PSEN1: variants seen among roughly 807,000 people sequenced by gnomAD.
PSEN1 encodes the protein presenilin 1.
In PSEN1, 15 loss-of-function variants were observed where a neutral mutation model predicts 53.5. The ratio of observed to expected loss-of-function variants is 0.28; its 90% CI spans 0.19 to 0.43. PSEN1 has a LOEUF of 0.43. Among genes scored for constraint, PSEN1 ranks in the 20% least tolerant of loss-of-function variants. PSEN1 has a pLI of 1.00. For missense variants in PSEN1, 387 were observed against 571.2 expected, an observed-to-expected ratio of 0.68 and a Z score of 3.29; for synonymous variants, 208 against 209.8, an observed-to-expected ratio of 0.99 and a Z score of 0.08.
At chr14:73,166,720 T>TCTACTGGGCTTAG (rs1415100660) in intron 3 of PSEN1, among the ~76,000 whole-genome samples, 6 of 152,238 alleles carry the variant, frequency 3.9e-5, no homozygotes, top group Non-Finnish European at 5.9e-5. Context: ...TCATTTCCAT[T>TCTACTGGGCTTAG]CTACTGGGCT....
At chr14:73,168,090 T>TC (rs35710852) in intron 3 of PSEN1, 6,577 of 152,128 alleles carry the variant, frequency 0.043, 205 homozygotes, top group Middle Eastern at 0.11. Flanking sequence ...GTGCGGTGGC[T>TC]CACTCCTATA....
chr14:73,160,736 G>C (rs1053943423), intron 3 of PSEN1, among the ~76,000 whole-genome samples: 1 of 143,080 alleles, frequency 7.0e-6, no homozygotes, highest in African/African-American at 2.6e-5. Flanking sequence ...AGAAATATCT[G>C]TTCAAGTCCT....
intron 10 of PSEN1, among the ~76,000 whole-genome samples, chr14:73,216,332 T>TG (rs1899911763): frequency 6.6e-6 from 1 of 152,192 alleles, no homozygotes; most frequent in Non-Finnish European, 1.5e-5. Context: ...GCAATGGACA[T>TG]GTGGATTGTG....
intron 4 of PSEN1, among the ~76,000 whole-genome samples, chr14:73,173,203 T>G (rs566019935): frequency 7.2e-5 from 11 of 152,212 alleles, no homozygotes; most frequent in Non-Finnish European, 1.5e-4. Flanking sequence ...CAACCACTTG[T>G]CAGCCCACGT....
At chr14:73,165,203 G>A (rs1438334464) in intron 3 of PSEN1, among the ~76,000 whole-genome samples, 4 of 152,028 alleles carry the variant, frequency 2.6e-5, no homozygotes, top group Non-Finnish European at 5.9e-5. Flanking sequence ...TGATCCGCCC[G>A]CCTCAGCCTC....
In PSEN1 at chr14:73,223,613, A is replaced by G. The variant is rs1882692290; in HGVS notation, c.*4324A>G. The G allele has an allele frequency of 1.3e-5, 2 of 152,178 alleles. No homozygotes were observed. Among genetic ancestry groups the G allele is most frequent in the Non-Finnish European group, 1.5e-5 (1 of 68,036 alleles). The allele number at this position is 152,178 out of a possible 1,614,324, so 9.4% of individuals were successfully genotyped here. A position where few individuals can be genotyped will look rare whatever the true frequency, so the allele number is the denominator to read the frequency against. On this transcript the variant is annotated 3_prime_UTR_variant, in exon 12 of 12. Transcript: ENST00000324501. ...CACCTTTTTTATAAATACCTTTCAA[A>G]TTCTTGGTAAGATATAATTTTGATA...
chr14:73,202,463 T>TATA (rs1491391826), intron 8 of PSEN1, among the ~76,000 whole-genome samples: 34 of 10,236 alleles, frequency 3.3e-3, no homozygotes, highest in African/African-American at 0.012. Context: ...TATATATATA[T>TATA]TTTTTTTTTT....
intron 5 of PSEN1, among the ~76,000 whole-genome samples, chr14:73,184,000 G>A (rs1161774102): frequency 4.5e-5 from 6 of 133,756 alleles, no homozygotes; most frequent in Non-Finnish European, 7.9e-5. Context: ...AGTAGGAGCG[G>A]CCGGGCAGAG....
At chr14:73,205,478 C>CAAAA (rs34992040) in intron 8 of PSEN1, among the ~76,000 whole-genome samples, 1 of 64,664 alleles carries the variant, frequency 1.5e-5, no homozygotes, top group African/African-American at 5.4e-5. Flanking sequence ...GACTCTGTCT[C>CAAAA]AAAAAAAAAA....
chr14:73,203,504 A>T (rs1209174014), intron 8 of PSEN1, among the ~76,000 whole-genome samples: 1 of 152,238 alleles, frequency 6.6e-6, no homozygotes. Flanking sequence ...CCTGAAGTGG[A>T]TATAAGCATG....
At chr14:73,149,764 C>G (rs1223977489) in intron 3 of PSEN1, among the ~76,000 whole-genome samples, 1 of 152,100 alleles carries the variant, frequency 6.6e-6, no homozygotes, top group East Asian at 1.9e-4. Context: ...TCTGACTAAC[C>G]AAGTCTTATT....
In PSEN1 at chr14:73,140,833, A is replaced by G. The variant is rs763497864; in HGVS notation, c.-136+4250A>G. Reference sequence around the variant, plus strand: ...AACCATTATTTAAAAACAAGTTGCTATAGTAACTCTACATTACAGACCTCC... The same window carrying G: ...AACCATTATTTAAAAACAAGTTGCTGTAGTAACTCTACATTACAGACCTCC... On this transcript the variant is annotated intron_variant, in intron 1 of 11. Coordinates refer to ENST00000324501, the MANE Select transcript of PSEN1 (RefSeq NM_000021.4). Among the ~76,000 whole-genome samples, 47 of 152,342 alleles carry G rather than the reference A, an allele frequency of 3.1e-4. 1 individual carries two copies. Among genetic ancestry groups the G allele is most frequent in the Non-Finnish European group, 4.0e-4 (27 of 68,032 alleles).
chr14:73,215,143 T>G (rs565751266), intron 10 of PSEN1, among the ~76,000 whole-genome samples: 1 of 151,798 alleles, frequency 6.6e-6, no homozygotes, highest in Non-Finnish European at 1.5e-5. Context: ...ATATTTTTAG[T>G]AGAGACAAGG....
chr14:73,163,426 C>T (rs560757645), intron 3 of PSEN1, among the ~76,000 whole-genome samples: 4 of 152,248 alleles, frequency 2.6e-5, no homozygotes, highest in African/African-American at 4.8e-5. Flanking sequence ...AAAAATTAGC[C>T]GAGCTTCACA....
intron 3 of PSEN1, among the ~76,000 whole-genome samples, chr14:73,169,657 C>G (rs1011965441): frequency 6.6e-6 from 1 of 151,882 alleles, no homozygotes; most frequent in Non-Finnish European, 1.5e-5. Flanking sequence ...CTTATTCAAC[C>G]TTACCAATTT....
chr14:73,165,959 C>T (rs1347751669), intron 3 of PSEN1, among the ~76,000 whole-genome samples: 5 of 151,268 alleles, frequency 3.3e-5, no homozygotes, highest in Admixed American at 2.0e-4. Context: ...GGGAGGCTGA[C>T]GCGGGAGAAT....
At chr14:73,201,369 AG>A (rs1899183084) in intron 8 of PSEN1, among the ~76,000 whole-genome samples, 1 of 152,218 alleles carries the variant, frequency 6.6e-6, no homozygotes, top group South Asian at 2.1e-4. Context: ...TACAGGCGTG[AG>A]CCACCGCGCC....
rs1225137453 is a variant in PSEN1 at position 73,183,938 on chromosome 14, ACCTC to A, written c.481-2908_481-2905del. Among the ~76,000 whole-genome samples, 645 of 122,072 alleles carry A rather than the reference ACCTC, an allele frequency of 5.3e-3. 5 individuals are homozygous for A. Among genetic ancestry groups the A allele is most frequent in the Non-Finnish European group, 6.5e-3 (385 of 58,988 alleles). 80.1% of individuals were successfully genotyped at this position (122,072 alleles called of 152,430 possible). A position where few individuals can be genotyped will look rare whatever the true frequency, so the allele number is the denominator to read the frequency against. On this transcript the variant is annotated intron_variant, in intron 5 of 11. Coordinates refer to ENST00000324501, the MANE Select transcript of PSEN1 (RefSeq NM_000021.4). ...GGCCGGGCGGGGGGCTGACCCCCCC[ACCTC>A]CCTCCCGGACGGGGCGGCTGGCCGG...
At chr14:73,207,050 G>C (rs1899482503) in intron 9 of PSEN1, among the ~76,000 whole-genome samples, 1 of 152,148 alleles carries the variant, frequency 6.6e-6, no homozygotes, top group African/African-American at 2.4e-5. Context: ...GCTGGGTGCA[G>C]TGATGTGTGC....
Sources: allele counts gnomAD v4.1 joint callset (sites outside exome capture counted in the v4.1 genomes callset), GRCh38; gene constraint gnomAD v4.1.1; transcripts MANE v1.5; gene names NCBI Gene and HGNC (gene_info 2026-07-23, HGNC 2026-07-21).